Variants in SPECC1L observed in about 807,000 individuals in gnomAD.
SPECC1L encodes sperm antigen with calponin homology and coiled-coil domains 1 like, also known as cytospin-A.
Under a neutral mutation model 116.8 loss-of-function variants are expected in SPECC1L, and 40 were observed. That is an observed-to-expected ratio of 0.34 (90% confidence interval 0.27 to 0.45). SPECC1L has a LOEUF of 0.45. Among genes scored for constraint, SPECC1L ranks in the 20% least tolerant of loss-of-function variants. The pLI is 1.00. For missense variants in SPECC1L, 1,110 were observed against 1,373.6 expected, an observed-to-expected ratio of 0.81 and a Z score of 3.03; for synonymous variants, 504 against 500.6, an observed-to-expected ratio of 1.01 and a Z score of -0.09.
chr22:24,321,502 G>C lies in SPECC1L; in HGVS notation c.522G>C (p.Gln174His), dbSNP rs1326460625. The change falls in exon 5 of 17, where the codon CAG (glutamine) becomes CAC (histidine). Residue 174 changes from glutamine (Q) to histidine (H), a missense_variant. Gln to His is a conservative substitution (Grantham distance 24, BLOSUM62 0). This residue lies in a region of SPECC1L where 437 missense variants were observed against 482.6 expected (regional missense o/e 0.91). Transcript: ENST00000314328. ...VRMSKSKSDN[Q>H]ISDRAALEAK... is the part of the protein sequence containing the mutation. The stretch of plus-strand genomic sequence containing the variant: ...TGAGCAAGTCTAAGTCAGACAATCA[G>C]ATCAGTGACAGAGCTGCTTTGGAGG... 5 of 1,614,226 alleles carry C rather than the reference G, an allele frequency of 3.1e-6. No individual in the cohort carries two copies. The highest frequency in any genetic ancestry group is 4.2e-6 in the Non-Finnish European group (5 of 1,180,048).
At chr22:24,392,965 C>T (rs540816168) in intron 14 of SPECC1L, among the ~76,000 whole-genome samples, 3 of 152,314 alleles carry the variant, frequency 2.0e-5, no homozygotes, top group African/African-American at 7.2e-5. Context: ...TGCGCTTCCT[C>T]AAAATGTGGT....
At chr22:24,379,779 G>C (rs977602369) in intron 14 of SPECC1L, among the ~76,000 whole-genome samples, 15 of 152,150 alleles carry the variant, frequency 9.9e-5, no homozygotes, top group Non-Finnish European at 1.5e-4. Flanking sequence ...ATATCTATCT[G>C]TTCCTTCCCT....
At chr22:24,334,188 A>G (rs1685887633) in intron 8 of SPECC1L, among the ~76,000 whole-genome samples, 1 of 150,996 alleles carries the variant, frequency 6.6e-6, no homozygotes, top group Admixed American at 6.6e-5. Context: ...AATTTTTTGT[A>G]TTTTTAGTAG....
At chr22:24,296,673 G>T (rs1179371799) in intron 2 of SPECC1L, among the ~76,000 whole-genome samples, 2 of 152,266 alleles carry the variant, frequency 1.3e-5, no homozygotes, top group African/African-American at 2.4e-5. Context: ...TCTGCCTGGG[G>T]GGGCTCTAGA....
At chr22:24,312,652 C>T (rs2040485025) in intron 3 of SPECC1L, among the ~76,000 whole-genome samples, 1 of 151,994 alleles carries the variant, frequency 6.6e-6, no homozygotes, top group Non-Finnish European at 1.5e-5. Flanking sequence ...ATTTATTATC[C>T]ATAGTGTTTT....
chr22:24,384,285 G>A (rs1186979688), intron 14 of SPECC1L, among the ~76,000 whole-genome samples: 2 of 152,104 alleles, frequency 1.3e-5, no homozygotes, highest in African/African-American at 4.8e-5. Context: ...GGGATCAACA[G>A]CCGATTTCTC....
chr22:24,280,577 AT>A lies in SPECC1L; in HGVS notation c.-38+3794del, dbSNP rs34634285. On this transcript the variant is annotated intron_variant, in intron 2 of 16. Coordinates refer to ENST00000314328, the MANE Select transcript of SPECC1L (RefSeq NM_015330.6). The stretch of plus-strand genomic sequence containing the variant: ...ATGAATGTGACTATGTTTCAATAAC[AT>A]TTTTTTTTTTTTTTTTTTTGAGACA... Among the ~76,000 whole-genome samples the A allele has an allele frequency of 6.4e-3, 824 of 128,828 alleles. 3 individuals carry two copies. Among genetic ancestry groups the A allele is most frequent in the Admixed American group, 7.6e-3 (95 of 12,506 alleles). 84.5% of individuals were successfully genotyped at this position (128,828 alleles called of 152,430 possible).
chr22:24,297,255 T>G (rs1366502413), intron 2 of SPECC1L, among the ~76,000 whole-genome samples: 1 of 151,114 alleles, frequency 6.6e-6, no homozygotes, highest in Non-Finnish European at 1.5e-5. Flanking sequence ...ATGAATAATT[T>G]ATGTAGATAG....
At chr22:24,343,403 A>T (rs2041220350) in intron 10 of SPECC1L, 1 of 421,514 alleles carries the variant, frequency 2.4e-6, no homozygotes, top group Non-Finnish European at 4.7e-6. Flanking sequence ...ATGATCACAG[A>T]CTTCTAGTTA....
chr22:24,302,468 T>C, intron 3 of SPECC1L, 84 bp downstream of exon 3: 5 of 1,553,878 alleles, frequency 3.2e-6, no homozygotes, highest in Non-Finnish European at 2.7e-6. Flanking sequence ...ATGAGCATTC[T>C]TAGGGGTGTG....
intron 11 of SPECC1L, among the ~76,000 whole-genome samples, chr22:24,350,830 G>T (rs140874979): frequency 6.6e-6 from 1 of 152,318 alleles, no homozygotes; most frequent in East Asian, 1.9e-4. Context: ...GCCTCTGAGG[G>T]TAAGTATAAC....
At chr22:24,311,929 G>A (rs1420106898) in intron 3 of SPECC1L, among the ~76,000 whole-genome samples, 1 of 119,600 alleles carries the variant, frequency 8.4e-6, no homozygotes, top group African/African-American at 3.2e-5. Context: ...GTTGAATTCT[G>A]TTTAATTCAT....
chr22:24,321,328 T>C lies in SPECC1L; in HGVS notation c.348T>C (p.Asn116=). 6.2e-7 allele frequency: 1 copy of C among 1,614,198 alleles called. No individual in the cohort carries two copies. The highest frequency in any genetic ancestry group is 8.5e-7 in the Non-Finnish European group (1 of 1,180,034). The change falls in exon 5 of 17, where the codon AAT becomes AAC. Residue 116 remains asparagine, a synonymous_variant. Transcript: ENST00000314328. ...SSTKRSTSTG[N]KESSSTRERL... ...CCAAGCGGAGCACTTCTACAGGTAA[T>C]AAAGAATCCAGTTCTACTAGAGAAA...
intron 3 of SPECC1L, among the ~76,000 whole-genome samples, chr22:24,307,839 C>T (rs1471155576): frequency 1.3e-5 from 2 of 151,220 alleles, no homozygotes; most frequent in Non-Finnish European, 2.9e-5. Context: ...ATGCCTGGCC[C>T]CTATTTTTTT....
At chr22:24,315,419 C>G (rs2040540339) in intron 4 of SPECC1L, among the ~76,000 whole-genome samples, 1 of 152,256 alleles carries the variant, frequency 6.6e-6, no homozygotes, top group East Asian at 1.9e-4. Flanking sequence ...TTCATTTGCT[C>G]AGTAAATATT....
intron 14 of SPECC1L, among the ~76,000 whole-genome samples, chr22:24,387,094 T>G (rs1198721735): frequency 6.6e-6 from 1 of 152,046 alleles, no homozygotes; most frequent in South Asian, 2.1e-4. Context: ...GTTTGGAAAA[T>G]GTTGGCAGTA....
At chr22:24,395,093 A>G (rs1011040929) in intron 14 of SPECC1L, among the ~76,000 whole-genome samples, 3 of 152,130 alleles carry the variant, frequency 2.0e-5, no homozygotes, top group Admixed American at 1.3e-4. Flanking sequence ...CTCCCAAAGT[A>G]CTAAGATTAC....
chr22:24,414,915 A>G lies in SPECC1L; in HGVS notation c.*292A>G. 2.2e-6 allele frequency: 1 copy of G among 446,304 alleles called. No homozygotes were observed. The allele number at this position is 446,304 out of a possible 1,614,324, so 27.6% of individuals were successfully genotyped here. A position where few individuals can be genotyped will look rare whatever the true frequency, so the allele number is the denominator to read the frequency against. On this transcript the variant is annotated 3_prime_UTR_variant, in exon 17 of 17. Coordinates refer to ENST00000314328, the MANE Select transcript of SPECC1L (RefSeq NM_015330.6). ...CCTTCTGAAGAGAATATTGAACTAC[A>G]CTAGTGCTCCAGGGCACCAAACAAA... is the stretch of plus-strand genomic sequence containing the variant.
intron 14 of SPECC1L, among the ~76,000 whole-genome samples, chr22:24,408,163 G>C (rs1479272595): frequency 6.6e-6 from 1 of 152,104 alleles, no homozygotes; most frequent in East Asian, 1.9e-4. Context: ...CTCCTCCCTG[G>C]TCCTAGTTTC....
Sources: allele counts gnomAD v4.1 joint callset (sites outside exome capture counted in the v4.1 genomes callset), GRCh38; gene constraint gnomAD v4.1.1; regional missense constraint gnomAD v4.1.1; transcripts MANE v1.5; gene names NCBI Gene and HGNC (gene_info 2026-07-23, HGNC 2026-07-21).